The following TRIM67 variants were observed in gnomAD, a reference collection of about 807,000 sequenced individuals.
TRIM67 encodes tripartite motif containing 67.
TRIM67 carries 39 observed loss-of-function variants against 71.0 expected under a neutral mutation model. The observed-to-expected ratio is 0.55, with a 90% CI of 0.43 to 0.72. TRIM67 has a LOEUF of 0.72. Ranked by LOEUF, TRIM67 falls within the 30% of genes least tolerant of loss-of-function variation. TRIM67 has a pLI of 0.00. For missense variants in TRIM67, 973 were observed against 1,079.2 expected, an observed-to-expected ratio of 0.90 and a Z score of 1.38; for synonymous variants, 481 against 473.9, an observed-to-expected ratio of 1.01 and a Z score of -0.19.
At chr1:231,186,078 C>T in intron 1 of TRIM67, 1 of 1,533,048 alleles carries the variant, frequency 6.5e-7, no homozygotes, top group Non-Finnish European at 8.7e-7. Context: ...GAACTCACCT[C>T]TCTCCTGATA....
chr1:231,209,915 G>A lies in TRIM67; in HGVS notation c.2123+665G>A, dbSNP rs1348874484. Among the ~76,000 whole-genome samples the A allele has an allele frequency of 6.6e-6, 1 of 152,170 alleles. No individual in the cohort carries two copies. Among genetic ancestry groups the A allele is most frequent in the Non-Finnish European group, 1.5e-5 (1 of 68,014 alleles). On this transcript the variant is annotated intron_variant, in intron 8 of 9. Coordinates refer to ENST00000366653, the MANE Select transcript of TRIM67 (RefSeq NM_001004342.5). This position sits in a 1 kb window ranked among gnomAD's most constrained non-coding sequence, Gnocchi z 4.1. ...GGACCTCTGTTAGGAGGGCAGATGGGGATGGGTCCTCCAGGGCTGCCCCTG... is the reference window on the plus strand; with the variant it reads ...GGACCTCTGTTAGGAGGGCAGATGGAGATGGGTCCTCCAGGGCTGCCCCTG...
At chr1:231,193,503 G>GCTCTCT (rs3049035) in intron 1 of TRIM67, among the ~76,000 whole-genome samples, 14,659 of 81,782 alleles carry the variant, frequency 0.18, 2,412 homozygotes, top group Middle Eastern at 0.28. Flanking sequence ...TCTCTCTCAA[G>GCTCTCT]CTCTCTCTCT....
chr1:231,169,212 C>A (rs931357567), intron 1 of TRIM67, among the ~76,000 whole-genome samples: 6 of 151,984 alleles, frequency 3.9e-5, no homozygotes, highest in Admixed American at 1.3e-4. Flanking sequence ...TGCCACCACA[C>A]CCAGCTAATT....
In TRIM67 at chr1:231,163,865, A is replaced by T. The variant is rs1407346913; in HGVS notation, c.896A>T (p.Lys299Met). 1 of 1,568,170 alleles carries T rather than the reference A, an allele frequency of 6.4e-7. No homozygotes were observed. The highest frequency in any genetic ancestry group is 2.4e-5 in the East Asian group (1 of 42,132). The change falls in exon 1 of 10, where the codon AAG becomes ATG. Residue 299 changes from lysine (K) to methionine (M), a missense_variant. Coordinates refer to ENST00000366653, the MANE Select transcript of TRIM67 (RefSeq NM_001004342.5). ...GCGACTGGGGGCAGCACGGCCCGCA[A>T]GTTCCCCACGTGTCCCGAGCATGAA... ...AGATGGSTAR[K>M]FPTCPEHEME...
intron 1 of TRIM67, among the ~76,000 whole-genome samples, chr1:231,169,142 C>T (rs780127540): frequency 3.3e-5 from 5 of 152,254 alleles, no homozygotes; most frequent in South Asian, 2.1e-4. Flanking sequence ...CTGCAACCTC[C>T]GCCTCTGGGG....
rs1194410211 is a variant in TRIM67 at position 231,162,177 on chromosome 1, C to T, written c.-793C>T. The T allele has an allele frequency of 6.6e-6, 1 of 152,186 alleles. No homozygotes were observed. Among genetic ancestry groups the T allele is most frequent in the South Asian group, 2.1e-4 (1 of 4,834 alleles). 9.4% of individuals were successfully genotyped at this position (152,186 alleles called of 1,614,324 possible). On this transcript the variant is annotated 5_prime_UTR_variant, in exon 1 of 10. Transcript: ENST00000366653. The stretch of plus-strand genomic sequence containing the variant: ...CCGCCGGCTGCAGCGTCGCGCGGCC[C>T]AAGGTCAGAGGCGCCGCAGGAGCAG...
chr1:231,187,831 G>C (rs532626369), intron 1 of TRIM67, among the ~76,000 whole-genome samples: 51 of 152,226 alleles, frequency 3.4e-4, no homozygotes, highest in Non-Finnish European at 5.9e-4. Flanking sequence ...CAGGCAGGCA[G>C]ATGCTTGGTT....
intron 1 of TRIM67, among the ~76,000 whole-genome samples, chr1:231,188,372 A>T (rs911571229): frequency 3.9e-5 from 6 of 152,270 alleles, no homozygotes; most frequent in African/African-American, 1.4e-4. Flanking sequence ...TGGAGAGTGG[A>T]GCTTGGGTCT....
chr1:231,218,717 A>T lies in TRIM67; in HGVS notation c.*3277A>T. 1.0e-6 allele frequency: 1 copy of T among 985,434 alleles called. No individual in the cohort carries two copies. Among genetic ancestry groups the T allele is most frequent in the Non-Finnish European group, 1.2e-6 (1 of 829,942 alleles). The allele number at this position is 985,434 out of a possible 1,614,324, so 61.0% of individuals were successfully genotyped here. On this transcript the variant is annotated 3_prime_UTR_variant, in exon 10 of 10. Transcript: ENST00000366653. ...ATTTCCAGGCTGCATCTTCAGCCTGATATGTACTTTGTAGTTGCAACAGCG... is the reference window on the plus strand; with the variant it reads ...ATTTCCAGGCTGCATCTTCAGCCTGTTATGTACTTTGTAGTTGCAACAGCG...
At chr1:231,203,272 C>T (rs932864964) in intron 5 of TRIM67, among the ~76,000 whole-genome samples, 1 of 152,200 alleles carries the variant, frequency 6.6e-6, no homozygotes, top group African/African-American at 2.4e-5. Context: ...ACAACTGATT[C>T]AAATCCTTAG....
In TRIM67 at chr1:231,219,498, C is replaced by T; in HGVS notation, c.*4058C>T. 9.4e-7 allele frequency: 1 copy of T among 1,068,326 alleles called. No individual in the cohort carries two copies. The highest frequency in any genetic ancestry group is 2.8e-5 in the South Asian group (1 of 35,290). The allele number at this position is 1,068,326 out of a possible 1,614,324, so 66.2% of individuals were successfully genotyped here. ...CCCAAGCCCAGGATTTTCCATGTGT[C>T]TTCAGGGGGCAGGTAGGGGAAAATG... On this transcript the variant is annotated 3_prime_UTR_variant, in exon 10 of 10. Coordinates refer to ENST00000366653, the MANE Select transcript of TRIM67 (RefSeq NM_001004342.5).
chr1:231,193,001 G>A (rs1683273590), intron 1 of TRIM67, among the ~76,000 whole-genome samples: 1 of 152,196 alleles, frequency 6.6e-6, no homozygotes, highest in Admixed American at 6.5e-5. Context: ...AGGCTCTGGG[G>A]AGGGCTGGGC....
At chr1:231,191,097 T>C (rs901814844) in intron 1 of TRIM67, among the ~76,000 whole-genome samples, 2 of 152,196 alleles carry the variant, frequency 1.3e-5, no homozygotes. Context: ...AAGTTTTCAC[T>C]CTGTCACCCA....
chr1:231,190,610 G>C (rs1571885996), intron 1 of TRIM67, among the ~76,000 whole-genome samples: 1 of 135,692 alleles, frequency 7.4e-6, no homozygotes, highest in African/African-American at 2.8e-5. Context: ...AGCCAATGCT[G>C]AGCTGGCTCC....
chr1:231,182,748 G>T (rs939367335), intron 1 of TRIM67, among the ~76,000 whole-genome samples: 1 of 152,288 alleles, frequency 6.6e-6, no homozygotes. Context: ...AAGTCCAAGG[G>T]GAGGCATGGA....
At chr1:231,186,091 C>G in intron 1 of TRIM67, 1 of 1,533,116 alleles carries the variant, frequency 6.5e-7, no homozygotes, top group Non-Finnish European at 8.7e-7. Context: ...TCCTGATAGG[C>G]GGCTGGCAGT....
Position 231,198,477 on chromosome 1 carries a change from C to T in TRIM67, c.1141-570C>T, listed in dbSNP as rs181642493. 3.3e-5 allele frequency among the ~76,000 whole-genome samples: 5 copies of T among 152,272 alleles called. No homozygotes were observed. In the East Asian group the frequency reaches 7.7e-4, roughly 24 times the overall value. ...TCTCAGCTCACCGCAACCTCCGCCT[C>T]CCAGGTTCAAGCAATTCTCCTGCCT... On this transcript the variant is annotated intron_variant, in intron 2 of 9. Coordinates refer to ENST00000366653, the MANE Select transcript of TRIM67 (RefSeq NM_001004342.5).
At position 231,202,875 on chromosome 1, in the gene TRIM67, G is replaced by C. The variant is rs1041418563; in HGVS notation, c.1535-992G>C. Among the ~76,000 whole-genome samples, 3 of 152,158 alleles carry C rather than the reference G, an allele frequency of 2.0e-5. No individual in the cohort carries two copies. The South Asian group carries it at 6.2e-4, about 31-fold the overall frequency. On this transcript the variant is annotated intron_variant, in intron 5 of 9. Transcript: ENST00000366653. ...CTTGGAAAGTGGGGGTGTGGAGGGA[G>C]GGCTTAGGGCCACTCCAGATGCTGC...
In TRIM67 at chr1:231,167,344, ACG is replaced by A. The variant is rs748069094; in HGVS notation, c.1044+3332_1044+3333del. On this transcript the variant is annotated intron_variant, in intron 1 of 9. Transcript: ENST00000366653. Reference sequence around the variant, plus strand: ...CTTTTTTTTTTTTTTTTTTTTTGAGACGGAGTCTCGCTCTGTCGCCCAGGCTG... The same window carrying A: ...CTTTTTTTTTTTTTTTTTTTTTGAGAGAGTCTCGCTCTGTCGCCCAGGCTG... Among the ~76,000 whole-genome samples the A allele has an allele frequency of 5.8e-3, 91 of 15,622 alleles. 1 individual carries two copies. Among genetic ancestry groups the A allele is most frequent in the African/African-American group, 0.023 (40 of 1,764 alleles). 10.2% of individuals were successfully genotyped at this position (15,622 alleles called of 152,430 possible).
Sources: gnomAD v4.1 joint callset for allele counts (sites outside exome capture counted in the v4.1 genomes callset) on GRCh38, gnomAD v4.1.1 for gene constraint, Gnocchi (gnomAD v3.1) non-coding constraint, MANE v1.5 for transcripts, NCBI Gene and HGNC (gene_info 2026-07-23, HGNC 2026-07-21) for gene names.